ACTR3C: variants seen among roughly 807,000 people sequenced by gnomAD.
The protein encoded by ACTR3C is actin related protein 3C.
Under a neutral mutation model 26.3 loss-of-function variants are expected in ACTR3C, and 18 were observed. The observed-to-expected ratio is 0.68, with a 90% CI of 0.47 to 1.01. The LOEUF (loss-of-function observed/expected upper bound fraction) is 1.01, where lower values mean the gene tolerates loss of function less well. Ranked by LOEUF, ACTR3C falls within the 50% of genes least tolerant of loss-of-function variation. The pLI is 0.00. For missense variants in ACTR3C, 184 were observed against 250.7 expected, an observed-to-expected ratio of 0.73 and a Z score of 1.80; for synonymous variants, 55 against 94.5, an observed-to-expected ratio of 0.58 and a Z score of 2.42.
intron 6 of ACTR3C, among the ~76,000 whole-genome samples, chr7:150,275,333 G>C (rs1427252816): frequency 1.3e-5 from 2 of 152,202 alleles, no homozygotes; most frequent in Non-Finnish European, 2.9e-5. Context: ...TTAATACATA[G>C]CATATGAAAC....
the ACTR3C span, among the ~76,000 whole-genome samples, chr7:149,903,491 C>G: frequency 6.7e-6 from 1 of 150,132 alleles, no homozygotes; most frequent in African/African-American, 2.4e-5. Flanking sequence ...GCAACGAAAA[C>G]TTAAAGGTAC....
At chr7:150,045,792 G>T in the ACTR3C span, among the ~76,000 whole-genome samples, 1 of 152,134 alleles carries the variant, frequency 6.6e-6, no homozygotes, top group South Asian at 2.1e-4. Context: ...CAGAGCTCTT[G>T]CCTTTCCTTT....
chr7:150,190,959 G>A, the ACTR3C span, among the ~76,000 whole-genome samples: 1 of 151,942 alleles, frequency 6.6e-6, no homozygotes, highest in African/African-American at 2.4e-5. Flanking sequence ...CTATCACGGG[G>A]ACAGCATGGA....
Position 150,291,344 on chromosome 7 carries a change from G to A in ACTR3C, c.154-1751C>T, listed in dbSNP as rs544887399. Among the ~76,000 whole-genome samples, 552 of 152,268 alleles carry A rather than the reference G, an allele frequency of 3.6e-3. 2 individuals are homozygous for A. The highest frequency in any genetic ancestry group is 0.011 in the African/African-American group (467 of 41,560). Reference sequence around the variant, plus strand: ...CTCAGGAGGCTGAGGCAGGAGAATCGCTTGAACCTGGGAGGCAGAGGTTGC... The same window carrying A: ...CTCAGGAGGCTGAGGCAGGAGAATCACTTGAACCTGGGAGGCAGAGGTTGC... On this transcript the variant is annotated intron_variant, in intron 3 of 7. Coordinates refer to ENST00000683684, the MANE Select transcript of ACTR3C (RefSeq NM_001164458.2).
the ACTR3C span, among the ~76,000 whole-genome samples, chr7:149,965,070 T>A: frequency 6.6e-6 from 1 of 151,888 alleles, no homozygotes; most frequent in Non-Finnish European, 1.5e-5. Context: ...TATTTAACTT[T>A]TCAGAGAGTA....
the ACTR3C span, among the ~76,000 whole-genome samples, chr7:150,055,496 T>G: frequency 2.1e-3 from 314 of 151,982 alleles, no homozygotes; most frequent in Non-Finnish European, 3.8e-3. Context: ...AGGGAGTTTT[T>G]TTTTTTTTTT....
chr7:150,116,360 GA>G, the ACTR3C span, among the ~76,000 whole-genome samples: 1 of 152,172 alleles, frequency 6.6e-6, no homozygotes, highest in Non-Finnish European at 1.5e-5. Flanking sequence ...TCCAAGGGAA[GA>G]AAAAAAGTTT....
chr7:150,128,238 C>G, the ACTR3C span, among the ~76,000 whole-genome samples: 4 of 152,088 alleles, frequency 2.6e-5, no homozygotes, highest in East Asian at 7.7e-4. Flanking sequence ...TGCCCCTCAG[C>G]TCCTTAGAAG....
the ACTR3C span, among the ~76,000 whole-genome samples, chr7:150,185,763 G>T: frequency 0.011 from 1,743 of 151,920 alleles, 29 homozygotes; most frequent in African/African-American, 0.04. Context: ...CTCTCACATG[G>T]ACCGATCTGG....
chr7:150,258,796 T>C (rs2530976), intron 6 of ACTR3C, among the ~76,000 whole-genome samples: 1,936 of 131,920 alleles, frequency 0.015, 5 homozygotes, highest in African/African-American at 0.037. Context: ...ATCCCTGTTA[T>C]GTCTCCATTT....
chr7:150,022,516 G>T, the ACTR3C span, among the ~76,000 whole-genome samples: 1 of 151,964 alleles, frequency 6.6e-6, no homozygotes, highest in East Asian at 1.9e-4. Flanking sequence ...TCTCAGCGGG[G>T]TCTTTATCCT....
At chr7:150,041,553 G>C in the ACTR3C span, 3 of 203,724 alleles carry the variant, frequency 1.5e-5, no homozygotes, top group East Asian at 2.1e-4. Flanking sequence ...CGCGGGGGGT[G>C]CCTCCCCCCT....
chr7:150,204,389 AC>A, the ACTR3C span, among the ~76,000 whole-genome samples: 11 of 148,196 alleles, frequency 7.4e-5, no homozygotes, highest in Admixed American at 6.7e-4. Flanking sequence ...AAGGAACTCC[AC>A]CCAATAGAGC....
chr7:150,256,583 C>A (rs1833236002), intron 6 of ACTR3C, among the ~76,000 whole-genome samples: 2 of 152,080 alleles, frequency 1.3e-5, no homozygotes. Flanking sequence ...AAGATGGGAC[C>A]AATAGACACA....
the ACTR3C span, among the ~76,000 whole-genome samples, chr7:149,965,537 G>A: frequency 6.7e-6 from 1 of 148,538 alleles, no homozygotes; most frequent in African/African-American, 2.5e-5. Context: ...CTAATTCTTG[G>A]CTTCCTTCAA....
At chr7:150,180,270 A>G in the ACTR3C span, among the ~76,000 whole-genome samples, 2 of 149,912 alleles carry the variant, frequency 1.3e-5, no homozygotes, top group African/African-American at 2.5e-5. Context: ...GCGCCACTGC[A>G]CTCCAGCCCG....
At chr7:150,035,002 G>C in the ACTR3C span, among the ~76,000 whole-genome samples, 1 of 142,936 alleles carries the variant, frequency 7.0e-6, no homozygotes, top group African/African-American at 2.6e-5. Context: ...TCCTGTGATG[G>C]GGGTCCTCAG....
the ACTR3C span, among the ~76,000 whole-genome samples, chr7:150,086,994 C>T: frequency 6.6e-6 from 1 of 152,106 alleles, no homozygotes; most frequent in African/African-American, 2.4e-5. Flanking sequence ...CTGTGCAATC[C>T]TTCTACAGAG....
chr7:150,163,451 T>A, the ACTR3C span, among the ~76,000 whole-genome samples: 1 of 151,680 alleles, frequency 6.6e-6, no homozygotes, highest in South Asian at 2.1e-4. Context: ...TATATACTTA[T>A]CTGTTTGTGT....
Sources: allele counts gnomAD v4.1 joint callset (sites outside exome capture counted in the v4.1 genomes callset), GRCh38; gene constraint gnomAD v4.1.1; transcripts MANE v1.5; gene names NCBI Gene and HGNC (gene_info 2026-07-23, HGNC 2026-07-21).